LIMS4: variants seen among roughly 807,000 people sequenced by gnomAD.
LIMS4 encodes the protein LIM zinc finger domain containing 4.
the LIMS4 span, among the ~76,000 whole-genome samples, chr2:110,410,212 G>A: frequency 2.4e-4 from 34 of 139,712 alleles, 2 homozygotes; most frequent in East Asian, 8.9e-4. Flanking sequence ...GGCTGGGCAT[G>A]GTGGCTCATG....
the LIMS4 span, among the ~76,000 whole-genome samples, chr2:110,392,123 T>G: frequency 6.6e-6 from 1 of 152,116 alleles, no homozygotes; most frequent in Admixed American, 6.5e-5. Flanking sequence ...TTCTTTTCAA[T>G]TTAATACCAG....
At chr2:110,379,043 G>T in the LIMS4 span, among the ~76,000 whole-genome samples, 2 of 148,236 alleles carry the variant, frequency 1.3e-5, no homozygotes. Flanking sequence ...TGTGGGAATG[G>T]ATATTAAGTG....
chr2:110,387,322 CGTCCAACAAT>C, the LIMS4 span: 1 of 589,782 alleles, frequency 1.7e-6, no homozygotes, highest in Admixed American at 2.9e-5. Context: ...TGCAGCAGTT[CGTCCAACAAT>C]GTCCAGTCCT....
At chr2:110,367,133 A>T in the LIMS4 span, among the ~76,000 whole-genome samples, 2 of 150,982 alleles carry the variant, frequency 1.3e-5, no homozygotes, top group Non-Finnish European at 2.9e-5. Flanking sequence ...AATATTGTTA[A>T]AATTGCCACA....
the LIMS4 span, chr2:110,360,697 GT>G: frequency 1.2e-6 from 2 of 1,603,858 alleles, no homozygotes; most frequent in Non-Finnish European, 1.7e-6. Context: ...AGTTTCAAAA[GT>G]TTTTGCGCAC....
the LIMS4 span, among the ~76,000 whole-genome samples, chr2:110,382,194 C>A: frequency 8.5e-5 from 6 of 70,488 alleles, no homozygotes; most frequent in Non-Finnish European, 1.4e-4. Context: ...AAGAAAATAA[C>A]ACGATTTTAA....
the LIMS4 span, among the ~76,000 whole-genome samples, chr2:110,384,926 G>GGACCC: frequency 1.3e-5 from 1 of 75,504 alleles, no homozygotes; most frequent in Non-Finnish European, 2.4e-5. Context: ...TCAGGCCCTT[G>GGACCC]GACCCGGCCC....
chr2:110,392,188 C>A, the LIMS4 span, among the ~76,000 whole-genome samples: 3 of 151,978 alleles, frequency 2.0e-5, no homozygotes, highest in African/African-American at 7.3e-5. Flanking sequence ...TGTGGTTTTA[C>A]CCTCTATCTC....
the LIMS4 span, among the ~76,000 whole-genome samples, chr2:110,391,937 C>T: frequency 1.7e-4 from 26 of 150,166 alleles, no homozygotes; most frequent in East Asian, 1.2e-3. Context: ...TGTTGTTGCA[C>T]GGATGGAGAT....
chr2:110,415,159 T>TTGTGTAGAAGTA, the LIMS4 span, among the ~76,000 whole-genome samples: 1 of 135,554 alleles, frequency 7.4e-6, no homozygotes, highest in Non-Finnish European at 1.5e-5. Flanking sequence ...TCTAGTTTAC[T>TTGTGTAGAAGTA]TGTGTAGAAG....
At chr2:110,396,174 A>G in the LIMS4 span, among the ~76,000 whole-genome samples, 1 of 91,332 alleles carries the variant, frequency 1.1e-5, no homozygotes, top group Non-Finnish European at 2.1e-5. Flanking sequence ...TTGAATTGTC[A>G]CAGCCCCACA....
At chr2:110,372,656 C>T in the LIMS4 span, among the ~76,000 whole-genome samples, 1 of 149,072 alleles carries the variant, frequency 6.7e-6, no homozygotes, top group Non-Finnish European at 1.5e-5. Context: ...CAGGCACCTG[C>T]CACCACACCT....
At chr2:110,371,726 AT>A in the LIMS4 span, among the ~76,000 whole-genome samples, 5 of 143,930 alleles carry the variant, frequency 3.5e-5, no homozygotes, top group Non-Finnish European at 7.4e-5. Context: ...AAGTCTACAC[AT>A]TCCTGAGTGA....
chr2:110,382,427 T>C, the LIMS4 span, among the ~76,000 whole-genome samples: 1 of 34,268 alleles, frequency 2.9e-5, no homozygotes, highest in Admixed American at 4.0e-4. Context: ...CTGGCAGGAA[T>C]ATAAAATGAT....
the LIMS4 span, among the ~76,000 whole-genome samples, chr2:110,390,745 A>G: frequency 6.7e-6 from 1 of 149,932 alleles, no homozygotes; most frequent in Non-Finnish European, 1.5e-5. Flanking sequence ...CAGTCTTGAT[A>G]CCCAAAGCAC....
the LIMS4 span, among the ~76,000 whole-genome samples, chr2:110,425,473 G>A: frequency 1.4e-5 from 2 of 139,278 alleles, no homozygotes; most frequent in South Asian, 4.4e-4. Flanking sequence ...TCCTCTAAGA[G>A]AATTCAAACC....
At chr2:110,369,136 T>C in the LIMS4 span, among the ~76,000 whole-genome samples, 2 of 95,696 alleles carry the variant, frequency 2.1e-5, no homozygotes, top group Non-Finnish European at 4.0e-5. Context: ...GTTTCAAAGT[T>C]GATTCTGAAA....
At chr2:110,407,532 C>A in the LIMS4 span, among the ~76,000 whole-genome samples, 9 of 100,288 alleles carry the variant, frequency 9.0e-5, no homozygotes, top group African/African-American at 3.4e-4. Flanking sequence ...AGCTTCTATG[C>A]TGGGTATTGC....
At chr2:110,411,282 A>G in the LIMS4 span, among the ~76,000 whole-genome samples, 1 of 125,244 alleles carries the variant, frequency 8.0e-6, no homozygotes, top group Non-Finnish European at 1.6e-5. Flanking sequence ...TTCATTGAAA[A>G]TCTTTAACAC....
Sources: gnomAD v4.1 joint callset for allele counts (sites outside exome capture counted in the v4.1 genomes callset) on GRCh38, gnomAD v4.1.1 for gene constraint, MANE v1.5 for transcripts, NCBI Gene and HGNC (gene_info 2026-07-23, HGNC 2026-07-21) for gene names.